The following ADAM22 variants were observed in gnomAD, a reference collection of about 807,000 sequenced individuals.
ADAM22 encodes disintegrin and metalloproteinase domain-containing protein 22.
In ADAM22, 65 loss-of-function variants were observed where a neutral mutation model predicts 144.6. The ratio of observed to expected loss-of-function variants is 0.45; its 90% CI spans 0.37 to 0.55. The LOEUF (loss-of-function observed/expected upper bound fraction) is 0.55, where lower values mean the gene tolerates loss of function less well. Ranked by LOEUF, ADAM22 falls within the 20% of genes least tolerant of loss-of-function variation. ADAM22 has a pLI of 0.00. For synonymous variants in ADAM22, 391 were observed against 412.6 expected, an observed-to-expected ratio of 0.95 and a Z score of 0.63; for missense variants, 974 against 1,184.9, an observed-to-expected ratio of 0.82 and a Z score of 2.61.
intron 22 of ADAM22, 135 bp from the exon 23 acceptor site, chr7:88,162,876 TG>T (rs1453753613): frequency 1.3e-6 from 1 of 762,094 alleles, no homozygotes; most frequent in Non-Finnish European, 2.0e-6. Context: ...GAGATTGAAC[TG>T]GCTTATGCTA....
intron 3 of ADAM22, among the ~76,000 whole-genome samples, chr7:87,995,133 G>A (rs529670923): frequency 1.3e-5 from 2 of 152,276 alleles, no homozygotes; most frequent in South Asian, 4.1e-4. Context: ...ACATAGCTAT[G>A]GATATGAATA....
At chr7:88,033,071 T>C (rs1298225084) in intron 3 of ADAM22, among the ~76,000 whole-genome samples, 3 of 152,220 alleles carry the variant, frequency 2.0e-5, no homozygotes, top group African/African-American at 4.8e-5. Context: ...CATGTTTTTC[T>C]GGTCTTGCTG....
chr7:87,960,959 T>C (rs1300643347), intron 2 of ADAM22, among the ~76,000 whole-genome samples: 4 of 152,194 alleles, frequency 2.6e-5, no homozygotes, highest in Admixed American at 6.5e-5. Flanking sequence ...AAATTCTTTC[T>C]TCTGGGCTTA....
chr7:88,140,515 A>G (rs537649854), intron 14 of ADAM22, among the ~76,000 whole-genome samples: 29 of 152,328 alleles, frequency 1.9e-4, no homozygotes, highest in African/African-American at 7.0e-4. Context: ...TGTTACTTGA[A>G]AAAAACCTGG....
intron 3 of ADAM22, among the ~76,000 whole-genome samples, chr7:88,042,296 G>T (rs1027468540): frequency 6.6e-6 from 1 of 151,978 alleles, no homozygotes; most frequent in Non-Finnish European, 1.5e-5. Flanking sequence ...TCCAAATATG[G>T]TGTGTTAGCT....
chr7:88,038,834 A>G (rs1396354107), intron 3 of ADAM22, among the ~76,000 whole-genome samples: 2 of 149,204 alleles, frequency 1.3e-5, no homozygotes, highest in Admixed American at 6.7e-5. Context: ...AGGCGGGAGC[A>G]CAGTGGTGCC....
At chr7:87,996,060 C>T (rs1470046832) in intron 3 of ADAM22, among the ~76,000 whole-genome samples, 5 of 152,148 alleles carry the variant, frequency 3.3e-5, no homozygotes, top group Non-Finnish European at 1.5e-5. Flanking sequence ...CTCAGTCAGT[C>T]ACTGTAGGTT....
At chr7:88,114,181 T>C (rs1002916722) in intron 5 of ADAM22, among the ~76,000 whole-genome samples, 3 of 152,146 alleles carry the variant, frequency 2.0e-5, no homozygotes, top group African/African-American at 7.2e-5. Flanking sequence ...AAAACCTGCA[T>C]CAGGATCACC....
chr7:88,156,768 A>T (rs1338516002), intron 22 of ADAM22, among the ~76,000 whole-genome samples: 3 of 152,198 alleles, frequency 2.0e-5, no homozygotes, highest in Non-Finnish European at 2.9e-5. Flanking sequence ...GGAGGTTTCT[A>T]AGCTGGAGGA....
In ADAM22 at chr7:88,030,896, C is replaced by T. The variant is rs945959039; in HGVS notation, c.324-44730C>T. ...CTTTGGGAGGCCAAGGTGGGCGGAT[C>T]ACAAGGTCAGGAGATTGAGACCATC... On this transcript the variant is annotated intron_variant, in intron 3 of 31. Coordinates refer to ENST00000413139, the MANE Select transcript of ADAM22 (RefSeq NM_001324418.2). Among the ~76,000 whole-genome samples, 6 of 152,254 alleles carry T rather than the reference C, an allele frequency of 3.9e-5. No individual in the cohort carries two copies. The East Asian group carries it at 1.2e-3, about 29-fold the overall frequency.
At chr7:88,052,739 G>GA (rs1181349256) in intron 3 of ADAM22, among the ~76,000 whole-genome samples, 1 of 151,994 alleles carries the variant, frequency 6.6e-6, no homozygotes, top group African/African-American at 2.4e-5. Context: ...GGTTGACTGA[G>GA]AAAAAAAGTT....
chr7:87,996,190 AC>A (rs760924771), intron 3 of ADAM22, among the ~76,000 whole-genome samples: 14 of 152,110 alleles, frequency 9.2e-5, no homozygotes, highest in South Asian at 2.1e-4. Flanking sequence ...TCAACAGGAA[AC>A]CTCCGGCAGT....
Position 88,168,165 on chromosome 7 carries a change from C to T in ADAM22, c.2220C>T (p.Gly740=), listed in dbSNP as rs771681564. ...TTGCTGGCACCAATATCATAATAGG[C>T]ATAATTGCTGGCACCATTTTAGTGC... ...NGVAGTNIII[G]IIAGTILVLA... The change falls in exon 25 of 32, where the codon GGC becomes GGT. Residue 740 remains glycine (G), a synonymous_variant. Coordinates refer to ENST00000413139, the MANE Select transcript of ADAM22 (RefSeq NM_001324418.2). 6.2e-6 allele frequency: 10 copies of T among 1,613,208 alleles called. 1 individual carries two copies. The South Asian group carries it at 9.9e-5, about 16-fold the overall frequency.
chr7:88,111,412 A>G (rs1190188854), intron 5 of ADAM22, among the ~76,000 whole-genome samples: 1 of 152,136 alleles, frequency 6.6e-6, no homozygotes, highest in Non-Finnish European at 1.5e-5. Context: ...GTTCAATAAT[A>G]TAAATAAGGG....
At chr7:88,136,161 C>A (rs12538777) in intron 14 of ADAM22, 130 bp downstream of exon 14, 4 of 652,400 alleles carry the variant, frequency 6.1e-6, no homozygotes, top group Non-Finnish European at 9.2e-6. Flanking sequence ...GCAAAATAAC[C>A]TCTTATTTAT....
chr7:87,946,453 G>T (rs910467760), intron 2 of ADAM22, among the ~76,000 whole-genome samples: 1 of 152,100 alleles, frequency 6.6e-6, no homozygotes, highest in African/African-American at 2.4e-5. Flanking sequence ...TCTCAAGGCC[G>T]ATTTCCAGAA....
chr7:88,073,195 C>G (rs1466968884), intron 3 of ADAM22, among the ~76,000 whole-genome samples: 2 of 152,166 alleles, frequency 1.3e-5, no homozygotes, highest in African/African-American at 4.8e-5. Flanking sequence ...TAATGTAATT[C>G]TGGCAGAAGA....
In ADAM22 at chr7:88,201,515, G is replaced by T. The variant is rs190070011; in HGVS notation, c.*5024G>T. On this transcript the variant is annotated 3_prime_UTR_variant, in exon 32 of 32. Transcript: ENST00000413139. Reference sequence around the variant, plus strand: ...GGGGTGTGGTGGGAAGAGAGGTGCTGGATGCCTAAGACAGACTTCTGTGCT... The same window carrying T: ...GGGGTGTGGTGGGAAGAGAGGTGCTTGATGCCTAAGACAGACTTCTGTGCT... The T allele has an allele frequency of 1.3e-4, 20 of 152,458 alleles. No homozygotes were observed. Among genetic ancestry groups the T allele is most frequent in the African/African-American group, 4.8e-4 (20 of 41,566 alleles). 9.4% of individuals were successfully genotyped at this position (152,458 alleles called of 1,614,324 possible).
At chr7:88,165,799 T>G in intron 23 of ADAM22, 33 bp from the exon 24 acceptor site, 1 of 1,455,550 alleles carries the variant, frequency 6.9e-7, no homozygotes, top group Non-Finnish European at 9.5e-7. Flanking sequence ...ACCAGAGAGT[T>G]GACATTTACT....
Sources: gnomAD v4.1 joint callset for allele counts (sites outside exome capture counted in the v4.1 genomes callset) on GRCh38, gnomAD v4.1.1 for gene constraint, MANE v1.5 for transcripts, NCBI Gene and HGNC (gene_info 2026-07-23, HGNC 2026-07-21) for gene names.